SYT14: variants seen among roughly 807,000 people sequenced by gnomAD.
SYT14 encodes the protein synaptotagmin 14, also known as synaptotagmin-14.
Under a neutral mutation model 74.2 loss-of-function variants are expected in SYT14, and 32 were observed. The ratio of observed to expected loss-of-function variants is 0.43; its 90% CI spans 0.33 to 0.58. SYT14 has a LOEUF of 0.58. Ranked by LOEUF, SYT14 falls within the 20% of genes least tolerant of loss-of-function variation. The pLI, the probability that SYT14 is intolerant of heterozygous loss-of-function variation, is 0.05. For missense variants in SYT14, 791 were observed against 981.8 expected, an observed-to-expected ratio of 0.81 and a Z score of 2.60; for synonymous variants, 298 against 337.7, an observed-to-expected ratio of 0.88 and a Z score of 1.29.
chr1:209,941,353 C>T (rs139820934), intron 1 of SYT14, among the ~76,000 whole-genome samples: 1 of 152,220 alleles, frequency 6.6e-6, no homozygotes. Flanking sequence ...TTTTGAAAGG[C>T]ATTTTGAAAT....
intron 8 of SYT14, among the ~76,000 whole-genome samples, chr1:210,159,124 A>T (rs1170828027): frequency 6.6e-6 from 1 of 152,134 alleles, no homozygotes; most frequent in South Asian, 2.1e-4. Context: ...GATAATATGC[A>T]TGATTCTATG....
chr1:210,094,489 A>G (rs772234736), exon 6 of SYT14: 2 of 1,613,976 alleles, frequency 1.2e-6, no homozygotes, highest in South Asian at 2.2e-5. Context: ...CTCATATAAC[A>G]AGTGCCCAAG....
chr1:209,960,315 A>G (rs575679534), intron 2 of SYT14, among the ~76,000 whole-genome samples: 2 of 152,318 alleles, frequency 1.3e-5, no homozygotes, highest in African/African-American at 2.4e-5. Flanking sequence ...AAGTCTCTGT[A>G]GTGGTTAGAG....
chr1:209,983,804 A>G (rs901516744), intron 2 of SYT14, among the ~76,000 whole-genome samples: 1 of 152,172 alleles, frequency 6.6e-6, no homozygotes, highest in Non-Finnish European at 1.5e-5. Context: ...GTTGAAAACA[A>G]CATTTTGAAC....
intron 7 of SYT14, among the ~76,000 whole-genome samples, chr1:210,133,704 TG>T (rs539804200): frequency 7.6e-4 from 115 of 152,296 alleles, no homozygotes; most frequent in East Asian, 5.0e-3. Context: ...TTGTGCAAGG[TG>T]GAGGTGAATA....
At chr1:209,948,485 G>A (rs2078857728) in intron 1 of SYT14, among the ~76,000 whole-genome samples, 1 of 152,150 alleles carries the variant, frequency 6.6e-6, no homozygotes, top group African/African-American at 2.4e-5. Context: ...CTTTGACTAA[G>A]CTTGTCACTT....
chr1:210,111,496 G>A (rs887222125), intron 7 of SYT14, among the ~76,000 whole-genome samples: 2 of 151,284 alleles, frequency 1.3e-5, no homozygotes, highest in Non-Finnish European at 2.9e-5. Context: ...CTGTTGAAGT[G>A]TTGGGGTGGC....
rs186308627 is a variant in SYT14, at chr1:209,978,362, G to A, written c.-486+25606G>A. On this transcript the variant is annotated intron_variant, in intron 2 of 9. Coordinates refer to ENST00000637265, the Ensembl canonical transcript of SYT14. ...TATCTACCTTTGGTCTTTGATGATGGTGACGTACAGATGGGATTTTGGTGT... is the reference window on the plus strand; with the variant it reads ...TATCTACCTTTGGTCTTTGATGATGATGACGTACAGATGGGATTTTGGTGT... 3.7e-3 allele frequency among the ~76,000 whole-genome samples: 560 copies of A among 152,204 alleles called. 5 individuals are homozygous for A. Among genetic ancestry groups the A allele is most frequent in the African/African-American group, 0.013 (532 of 41,508 alleles).
intron 5 of SYT14, among the ~76,000 whole-genome samples, chr1:210,068,845 C>CT (rs2081342902): frequency 6.6e-6 from 1 of 151,426 alleles, no homozygotes; most frequent in Non-Finnish European, 1.5e-5. Context: ...TAGATTTATA[C>CT]TTTAACTTCT....
exon 10 of SYT14, chr1:210,162,308 A>G: frequency 2.3e-6 from 1 of 444,370 alleles, no homozygotes; most frequent in South Asian, 1.6e-5. Flanking sequence ...CGATTTTTAT[A>G]AATGTAAAGA....
chr1:210,017,568 A>G (rs2080212308), intron 4 of SYT14, among the ~76,000 whole-genome samples: 1 of 152,140 alleles, frequency 6.6e-6, no homozygotes, highest in African/African-American at 2.4e-5. Context: ...TATTTTATTC[A>G]ATAATGTGGT....
intron 2 of SYT14, 79 bp from the exon 3 acceptor site, chr1:210,013,554 C>T: frequency 1.5e-6 from 2 of 1,349,366 alleles, no homozygotes; most frequent in Non-Finnish European, 2.1e-6. Context: ...AGTAAGCTAA[C>T]TTAATGTTTG....
chr1:210,009,402 A>G (rs2080045420), intron 2 of SYT14, among the ~76,000 whole-genome samples: 1 of 152,206 alleles, frequency 6.6e-6, no homozygotes, highest in Non-Finnish European at 1.5e-5. Flanking sequence ...ATAAATAGAT[A>G]AAATATTTTT....
chr1:210,156,950 TC>T, intron 8 of SYT14: 1 of 299,864 alleles, frequency 3.3e-6, no homozygotes, highest in Non-Finnish European at 7.4e-6. Flanking sequence ...CACTTCGGCC[TC>T]CCAAAGTGCT....
chr1:209,974,446 CA>C (rs2079318918), intron 2 of SYT14, among the ~76,000 whole-genome samples: 1 of 152,132 alleles, frequency 6.6e-6, no homozygotes, highest in African/African-American at 2.4e-5. Context: ...CCAGTTTTTC[CA>C]GCACCACTTA....
At chr1:210,130,379 T>TC (rs1237341293) in intron 7 of SYT14, among the ~76,000 whole-genome samples, 1 of 152,234 alleles carries the variant, frequency 6.6e-6, no homozygotes, top group Non-Finnish European at 1.5e-5. Flanking sequence ...TGGTTTTTTT[T>TC]CCAGTGTTCA....
At chr1:210,009,178 A>G (rs1041689491) in intron 2 of SYT14, among the ~76,000 whole-genome samples, 2 of 152,204 alleles carry the variant, frequency 1.3e-5, no homozygotes, top group African/African-American at 4.8e-5. Flanking sequence ...ATTTCAGTGT[A>G]TATCCTATTG....
At chr1:210,089,134 G>C (rs919690359) in intron 5 of SYT14, among the ~76,000 whole-genome samples, 1 of 151,924 alleles carries the variant, frequency 6.6e-6, no homozygotes, top group Non-Finnish European at 1.5e-5. Flanking sequence ...GTGGTGTTTG[G>C]TTTTCTGTTC....
chr1:209,946,378 A>G (rs1055824779), intron 1 of SYT14, among the ~76,000 whole-genome samples: 1 of 152,238 alleles, frequency 6.6e-6, no homozygotes, highest in Non-Finnish European at 1.5e-5. Flanking sequence ...CTTGAAGGAA[A>G]TTAACAGTGC....
Sources: gnomAD v4.1 joint callset for allele counts (sites outside exome capture counted in the v4.1 genomes callset) on GRCh38, gnomAD v4.1.1 for gene constraint, MANE v1.5 for transcripts, NCBI Gene and HGNC (gene_info 2026-07-23, HGNC 2026-07-21) for gene names.